Variants in ASCC3 observed in about 807,000 individuals in gnomAD.
The protein encoded by ASCC3 is activating signal cointegrator 1 complex subunit 3.
A neutral mutation model predicts 256.3 loss-of-function variants in ASCC3; 158 were observed. That is an observed-to-expected ratio of 0.62 (90% CI 0.54 to 0.70). The LOEUF (loss-of-function observed/expected upper bound fraction) is 0.70, where lower values mean the gene tolerates loss of function less well. Ranked by LOEUF, ASCC3 falls within the 30% of genes least tolerant of loss-of-function variation. The pLI, the probability that ASCC3 is intolerant of heterozygous loss-of-function variation, is 0.00. For synonymous variants in ASCC3, 948 were observed against 883.4 expected, an observed-to-expected ratio of 1.07 and a Z score of -1.30; for missense variants, 2,259 against 2,626.0, an observed-to-expected ratio of 0.86 and a Z score of 3.05.
intron 10 of ASCC3, among the ~76,000 whole-genome samples, chr6:100,747,796 C>T (rs912269666): frequency 1.3e-5 from 2 of 151,988 alleles, no homozygotes; most frequent in African/African-American, 4.8e-5. Context: ...CATGTCAAAA[C>T]TCATCAAATT....
intron 14 of ASCC3, among the ~76,000 whole-genome samples, chr6:100,679,342 T>C (rs1205033465): frequency 2.0e-5 from 3 of 152,140 alleles, no homozygotes; most frequent in Non-Finnish European, 4.4e-5. Flanking sequence ...TAACATAGGA[T>C]ATGAAATTTA....
intron 36 of ASCC3, among the ~76,000 whole-genome samples, chr6:100,580,352 C>T (rs900155380): frequency 6.6e-6 from 1 of 151,626 alleles, no homozygotes; most frequent in Non-Finnish European, 1.5e-5. Flanking sequence ...AAAGAAGGTA[C>T]CATCAGTTAG....
chr6:100,678,387 C>T (rs1007117653), intron 14 of ASCC3, among the ~76,000 whole-genome samples: 4 of 151,920 alleles, frequency 2.6e-5, no homozygotes, highest in Admixed American at 2.0e-4. Context: ...ACTGTACAAT[C>T]TGTACAATAA....
At chr6:100,787,639 C>T (rs1254533424) in intron 8 of ASCC3, among the ~76,000 whole-genome samples, 1 of 152,010 alleles carries the variant, frequency 6.6e-6, no homozygotes, top group East Asian at 1.9e-4. Flanking sequence ...AATAGACATG[C>T]AGGGAATCAA....
At chr6:100,756,540 T>A (rs894486186) in intron 10 of ASCC3, among the ~76,000 whole-genome samples, 2 of 152,112 alleles carry the variant, frequency 1.3e-5, no homozygotes, top group African/African-American at 4.8e-5. Context: ...CAACTGGGCT[T>A]ATGGAAACTC....
intron 13 of ASCC3, among the ~76,000 whole-genome samples, chr6:100,713,153 C>T (rs1562243537): frequency 1.3e-5 from 2 of 152,002 alleles, no homozygotes; most frequent in African/African-American, 4.8e-5. Flanking sequence ...TTTATAATTG[C>T]CAAACTTGGA....
At chr6:100,537,856 A>C (rs1775241171) in intron 37 of ASCC3, among the ~76,000 whole-genome samples, 1 of 150,872 alleles carries the variant, frequency 6.6e-6, no homozygotes, top group Admixed American at 6.6e-5. Context: ...AAGAAATATA[A>C]ATATTATCCC....
At chr6:100,638,869 T>A in intron 24 of ASCC3, 48 bp from the exon 25 acceptor site, 1 of 1,355,574 alleles carries the variant, frequency 7.4e-7, no homozygotes, top group Non-Finnish European at 1.1e-6. Context: ...AAAACACGCA[T>A]AATACTGAAT....
intron 4 of ASCC3, among the ~76,000 whole-genome samples, chr6:100,814,335 A>C (rs1224240455): frequency 6.6e-6 from 1 of 152,168 alleles, no homozygotes; most frequent in Non-Finnish European, 1.5e-5. Flanking sequence ...TGCTGGAATC[A>C]GTTTGCCAGT....
At chr6:100,869,764 T>C (rs935515260) in intron 1 of ASCC3, among the ~76,000 whole-genome samples, 3 of 152,062 alleles carry the variant, frequency 2.0e-5, no homozygotes, top group African/African-American at 4.8e-5. Flanking sequence ...AAAACACTAG[T>C]GCTACACTGA....
intron 4 of ASCC3, among the ~76,000 whole-genome samples, chr6:100,839,457 T>C (rs779596903): frequency 1.3e-5 from 2 of 152,160 alleles, no homozygotes; most frequent in African/African-American, 2.4e-5. Context: ...TGGAAACATA[T>C]ATTTAAGCTC....
Position 100,629,076 on chromosome 6 carries a change from C to G in ASCC3, c.4314G>C (p.Trp1438Cys), listed in dbSNP as rs865803382. ...CTTGCTGAACATAGTTCCTATTTTG[C>G]CAGCTTCTGCTGACTCCATCCCACT... ...PEKWDGVSRS[W>C]QNRNYVQQVT... Residue 1438 changes from tryptophan (W) to cysteine (C), a missense_variant, in exon 27 of 42, where the codon TGG (tryptophan) becomes TGC (cysteine). By Grantham distance (215) the Trp-to-Cys change is radical. This residue lies in a region of ASCC3 where 1,839 missense variants were observed against 2,206.7 expected (regional missense o/e 0.83). Coordinates refer to ENST00000369162, the MANE Select transcript of ASCC3 (RefSeq NM_006828.4). 6.2e-7 allele frequency: 1 copy of G among 1,613,676 alleles called. No individual in the cohort carries two copies. The highest frequency in any genetic ancestry group is 1.7e-5 in the Admixed American group (1 of 59,942).
At chr6:100,580,510 A>G (rs1403707629) in intron 36 of ASCC3, among the ~76,000 whole-genome samples, 1 of 151,910 alleles carries the variant, frequency 6.6e-6, no homozygotes, top group Non-Finnish European at 1.5e-5. Context: ...ATTACCTTCT[A>G]GCTTATTGTT....
intron 10 of ASCC3, among the ~76,000 whole-genome samples, chr6:100,763,565 G>A (rs774778846): frequency 1.6e-4 from 25 of 152,116 alleles, no homozygotes; most frequent in African/African-American, 4.1e-4. Context: ...AGCTGAAGGC[G>A]GCTAATTCTC....
intron 33 of ASCC3, among the ~76,000 whole-genome samples, chr6:100,602,944 T>C (rs1258182363): frequency 6.6e-6 from 1 of 152,108 alleles, no homozygotes; most frequent in African/African-American, 2.4e-5. Context: ...AAAGTTGCTA[T>C]GTTACTCTCA....
At position 100,509,280 on chromosome 6, in the gene ASCC3, T is replaced by C; in HGVS notation, c.*106A>G. ...TGTCAATTTCCTGGATGGTTGAGGT[T>C]AGAAGTTGATTCTTTCAAGGCAAAC... On this transcript the variant is annotated 3_prime_UTR_variant, in exon 42 of 42. Transcript: ENST00000369162. 10 of 1,473,218 alleles carry C rather than the reference T, an allele frequency of 6.8e-6. No homozygotes were observed. Among genetic ancestry groups the C allele is most frequent in the Non-Finnish European group, 9.5e-6 (10 of 1,056,400 alleles). The allele number at this position is 1,473,218 out of a possible 1,614,324, so 91.3% of individuals were successfully genotyped here. A position where few individuals can be genotyped will look rare whatever the true frequency, so the allele number is the denominator to read the frequency against.
At chr6:100,859,663 T>C (rs1159974338) in intron 3 of ASCC3, among the ~76,000 whole-genome samples, 2 of 152,012 alleles carry the variant, frequency 1.3e-5, no homozygotes, top group East Asian at 3.8e-4. Context: ...GATTTACAAA[T>C]GCCTTAAACC....
intron 6 of ASCC3, 122 bp from the exon 7 acceptor site, chr6:100,799,694 C>T (rs1769818105): frequency 9.7e-7 from 1 of 1,032,118 alleles, no homozygotes; most frequent in South Asian, 1.6e-5. Flanking sequence ...AGAAATTAAA[C>T]TACACAAAGG....
At position 100,518,149 on chromosome 6, in the gene ASCC3, A is replaced by G. The variant is rs1365644696; in HGVS notation, c.5776-7T>C. 2.5e-6 allele frequency: 4 copies of G among 1,613,370 alleles called. No homozygotes were observed. Among genetic ancestry groups the G allele is most frequent in the Non-Finnish European group, 3.4e-6 (4 of 1,179,540 alleles). On this transcript the variant is annotated splice_polypyrimidine_tract_variant and splice_region_variant and intron_variant, in intron 37 of 41. Transcript: ENST00000369162. ...CAGCCACGTCCAGCATTGCCTGAACAGGGAAAATGCACATGTTACAAGAAT... is the reference window on the plus strand; with the variant it reads ...CAGCCACGTCCAGCATTGCCTGAACGGGGAAAATGCACATGTTACAAGAAT...
Sources: gnomAD v4.1 joint callset for allele counts (sites outside exome capture counted in the v4.1 genomes callset) on GRCh38, gnomAD v4.1.1 for gene constraint, gnomAD v4.1.1 regional missense constraint, MANE v1.5 for transcripts, NCBI Gene and HGNC (gene_info 2026-07-23, HGNC 2026-07-21) for gene names.